IL1RAPL1: variants seen among roughly 807,000 people sequenced by gnomAD.
IL1RAPL1 encodes the protein interleukin 1 receptor accessory protein like 1, also known as interleukin-1 receptor accessory protein-like 1.
IL1RAPL1 carries 3 observed loss-of-function variants against 48.4 expected under a neutral mutation model. That is an observed-to-expected ratio of 0.06 (90% CI 0.03 to 0.16). The LOEUF is 0.16. IL1RAPL1 is among the 10% of genes least tolerant of loss of function. IL1RAPL1 has a pLI of 1.00. For missense variants in IL1RAPL1, 349 were observed against 530.6 expected, an observed-to-expected ratio of 0.66 and a Z score of 3.36; for synonymous variants, 185 against 187.7, an observed-to-expected ratio of 0.99 and a Z score of 0.12.
chrX:29,671,139 T>C (rs1268057963), intron 6 of IL1RAPL1, among the ~76,000 whole-genome samples: 2 of 112,230 alleles, frequency 1.8e-5, no homozygotes, highest in Non-Finnish European at 3.8e-5. Flanking sequence ...TCTAGTTTGC[T>C]CACAAATATA....
intron 1 of IL1RAPL1, among the ~76,000 whole-genome samples, chrX:28,734,662 T>C (rs1454423180): frequency 9.0e-6 from 1 of 110,875 alleles, no homozygotes; most frequent in Middle Eastern, 4.3e-3. Flanking sequence ...TAGAGCTTAG[T>C]ATATGTTCCA....
At chrX:28,681,519 A>G (rs1935059148) in intron 1 of IL1RAPL1, among the ~76,000 whole-genome samples, 1 of 111,326 alleles carries the variant, frequency 9.0e-6, no homozygotes. Context: ...GAGGAATTGG[A>G]GAGATGTTGT....
intron 2 of IL1RAPL1, among the ~76,000 whole-genome samples, chrX:29,011,127 G>A (rs1045341470): frequency 8.9e-6 from 1 of 111,752 alleles, no homozygotes; most frequent in Non-Finnish European, 1.9e-5. Context: ...AGATGCTTCT[G>A]TCTTAATAAA....
intron 2 of IL1RAPL1, among the ~76,000 whole-genome samples, chrX:28,904,701 T>C: frequency 8.9e-6 from 1 of 112,116 alleles, no homozygotes; most frequent in East Asian, 2.8e-4. Flanking sequence ...AATTAACATT[T>C]TATCACCAAA....
intron 6 of IL1RAPL1, among the ~76,000 whole-genome samples, chrX:29,824,677 C>T (rs1273212557): frequency 9.0e-6 from 1 of 111,640 alleles, no homozygotes; most frequent in African/African-American, 3.3e-5. Flanking sequence ...TGTTTGCAAT[C>T]TTAAAAAAGG....
chrX:28,867,384 G>C (rs1268893714), intron 2 of IL1RAPL1, among the ~76,000 whole-genome samples: 1 of 111,703 alleles, frequency 9.0e-6, no homozygotes, highest in Admixed American at 9.6e-5. Context: ...CTCTAGGGGT[G>C]GTAGGATATT....
At chrX:29,468,144 G>A (rs1483730245) in intron 5 of IL1RAPL1, among the ~76,000 whole-genome samples, 1 of 112,729 alleles carries the variant, frequency 8.9e-6, no homozygotes, top group Non-Finnish European at 1.9e-5. Flanking sequence ...ACAGGCGAGA[G>A]CCACTACGTC....
At chrX:29,691,060 C>G (rs1926759221) in intron 6 of IL1RAPL1, among the ~76,000 whole-genome samples, 1 of 111,233 alleles carries the variant, frequency 9.0e-6, no homozygotes, top group Non-Finnish European at 1.9e-5. Context: ...AATATATAGA[C>G]AAACCCATAC....
intron 5 of IL1RAPL1, among the ~76,000 whole-genome samples, chrX:29,627,081 C>T (rs1270061207): frequency 5.4e-5 from 6 of 111,928 alleles, no homozygotes; most frequent in Non-Finnish European, 9.4e-5. Context: ...CTTCTGTGAG[C>T]CAGGCAACAG....
chrX:28,709,430 C>T (rs1935414688), intron 1 of IL1RAPL1, among the ~76,000 whole-genome samples: 1 of 111,470 alleles, frequency 9.0e-6, no homozygotes, highest in South Asian at 3.7e-4. Flanking sequence ...AATAGTGGAG[C>T]AGGAATTTAA....
chrX:29,664,374 G>GCA (rs1925937122), intron 5 of IL1RAPL1, among the ~76,000 whole-genome samples: 1 of 100,546 alleles, frequency 9.9e-6, no homozygotes, highest in African/African-American at 3.9e-5. Flanking sequence ...ACTGCACTCC[G>GCA]GCCTGGGCAA....
chrX:29,453,883 A>C (rs1295576801), intron 5 of IL1RAPL1, among the ~76,000 whole-genome samples: 1 of 112,703 alleles, frequency 8.9e-6, no homozygotes, highest in Non-Finnish European at 1.9e-5. Flanking sequence ...CAAAGAATAT[A>C]CATTCCTCTG....
chrX:28,896,797 G>A (rs1259768338), intron 2 of IL1RAPL1, among the ~76,000 whole-genome samples: 3 of 109,796 alleles, frequency 2.7e-5, no homozygotes, highest in African/African-American at 6.7e-5. Flanking sequence ...GAAGATTTGG[G>A]ACGAGTTGCA....
chrX:29,252,971 A>G (rs1320968185), intron 2 of IL1RAPL1, among the ~76,000 whole-genome samples: 1 of 111,015 alleles, frequency 9.0e-6, no homozygotes, highest in Non-Finnish European at 1.9e-5. Flanking sequence ...AAAATACACT[A>G]CAATCACCAG....
intron 6 of IL1RAPL1, among the ~76,000 whole-genome samples, chrX:29,709,658 G>T (rs1927289403): frequency 9.0e-6 from 1 of 111,058 alleles, no homozygotes; most frequent in African/African-American, 3.3e-5. Flanking sequence ...AGTCTTTGCT[G>T]GTTCCATATG....
chrX:29,007,105 C>T (rs1217141434), intron 2 of IL1RAPL1, among the ~76,000 whole-genome samples: 1 of 111,735 alleles, frequency 8.9e-6, no homozygotes, highest in African/African-American at 3.2e-5. Flanking sequence ...GTGAATTGTA[C>T]ACTCTTTAAT....
Position 29,728,213 on chromosome X carries a change from G to C in IL1RAPL1, c.778+59709G>C, listed in dbSNP as rs755097215. On this transcript the variant is annotated intron_variant, in intron 6 of 10. Coordinates refer to ENST00000378993, the MANE Select transcript of IL1RAPL1 (RefSeq NM_014271.4). The stretch of plus-strand genomic sequence containing the variant: ...GGCCACCCAAAGTGCTGGGATTACA[G>C]ACGTGAGCCACCGCACCCAGCCGAG... Among the ~76,000 whole-genome samples, 9 of 111,380 alleles carry C rather than the reference G, an allele frequency of 8.1e-5. No homozygotes were observed. In the South Asian group the frequency reaches 3.4e-3, roughly 42 times the overall value.
chrX:29,855,288 A>G (rs770366629), intron 6 of IL1RAPL1, among the ~76,000 whole-genome samples: 1 of 112,404 alleles, frequency 8.9e-6, no homozygotes, highest in Non-Finnish European at 1.9e-5. Context: ...GAATTCATCT[A>G]TGGAAACATG....
intron 5 of IL1RAPL1, among the ~76,000 whole-genome samples, chrX:29,434,971 C>T (rs1934465684): frequency 9.0e-6 from 1 of 110,911 alleles, no homozygotes; most frequent in Admixed American, 9.6e-5. Context: ...TGAATTCTGC[C>T]TCTTCTACCT....
Sources: allele counts gnomAD v4.1 joint callset (sites outside exome capture counted in the v4.1 genomes callset), GRCh38; gene constraint gnomAD v4.1.1; transcripts MANE v1.5; gene names NCBI Gene and HGNC (gene_info 2026-07-23, HGNC 2026-07-21).